The following SMG7 variants were observed in gnomAD, a reference collection of about 807,000 sequenced individuals.
SMG7 encodes the protein SMG7 nonsense mediated mRNA decay factor, also known as nonsense-mediated mRNA decay factor SMG7.
Under a neutral mutation model 148.2 loss-of-function variants are expected in SMG7, and 34 were observed. The ratio of observed to expected loss-of-function variants is 0.23; its 90% CI spans 0.17 to 0.31. The LOEUF is 0.31. Among genes scored for constraint, SMG7 ranks in the 10% least tolerant of loss-of-function variants. The probability of loss-of-function intolerance (pLI) is 1.00; values close to 1 mark genes in which losing one functional copy is unlikely to be tolerated. For missense variants in SMG7, 1,114 were observed against 1,408.4 expected (o/e 0.79, Z 3.35); for synonymous variants, 492 against 515.1 (o/e 0.96, Z 0.61).
At chr1:183,537,887 T>C (rs1238542966) in intron 11 of SMG7, among the ~76,000 whole-genome samples, 3 of 152,168 alleles carry the variant, frequency 2.0e-5, no homozygotes, top group African/African-American at 4.8e-5. Context: ...GCTTGGCTTC[T>C]TTCTGACTTT....
At chr1:183,542,597 C>A in intron 14 of SMG7, 95 bp downstream of exon 14, 1 of 1,041,322 alleles carries the variant, frequency 9.6e-7, no homozygotes, top group Non-Finnish European at 1.4e-6. Context: ...ATTGGCCGTC[C>A]TGGAAGTTTA....
chr1:183,544,838 C>G (rs1440373547), intron 15 of SMG7, 92 bp from the exon 16 acceptor site: 2 of 1,273,648 alleles, frequency 1.6e-6, no homozygotes, highest in Non-Finnish European at 2.2e-6. Flanking sequence ...TGTTAGAAGA[C>G]TCCCTCTACC....
chr1:183,477,778 A>G (rs919628330), intron 1 of SMG7, among the ~76,000 whole-genome samples: 6 of 151,928 alleles, frequency 3.9e-5, no homozygotes, highest in Admixed American at 6.6e-5. Context: ...ACATGTGTGT[A>G]TGTGTGTATG....
In SMG7 at chr1:183,546,026, G is replaced by A. The variant is rs766005753; in HGVS notation, c.2431G>A (p.Gly811Arg). The A allele has an allele frequency of 3.1e-6, 5 of 1,613,916 alleles. No individual in the cohort carries two copies. Among genetic ancestry groups the A allele is most frequent in the Non-Finnish European group, 4.2e-6 (5 of 1,179,934 alleles). ...WNPPQVQGPL[G>R]KIMPVKQPYY... ...TCCCCCTCAGGTTCAAGGCCCATTA[G>A]GGAAAATTATGCCTGTGAAACAGCC... Residue 811 changes from glycine to arginine, a missense_variant, in exon 17 of 23, where the codon GGG becomes AGG. Physicochemically the swap from Gly to Arg is moderately radical, Grantham distance 125. This residue lies in a region of SMG7 where 788 missense variants were observed against 894.5 expected (regional missense o/e 0.88). Coordinates refer to ENST00000688051, the MANE Select transcript of SMG7 (RefSeq NM_001375584.1).
chr1:183,492,271 G>A (rs1405085050), intron 1 of SMG7, among the ~76,000 whole-genome samples: 4 of 152,132 alleles, frequency 2.6e-5, no homozygotes, highest in Non-Finnish European at 4.4e-5. Context: ...AGCATCACTT[G>A]TTGAGAAAAT....
intron 4 of SMG7, among the ~76,000 whole-genome samples, chr1:183,520,948 C>A (rs985184721): frequency 1.3e-5 from 2 of 152,054 alleles, no homozygotes; most frequent in African/African-American, 4.8e-5. Context: ...AGCATTGATT[C>A]TCCCCGACTG....
Position 183,550,753 on chromosome 1 carries a change from C to T in SMG7, c.3136C>T (p.His1046Tyr). ...CCTGTGTTGCTATTATTTAATAGATCATTCAACACCAGCCAGCCAGTCTCC... is the reference window on the plus strand; with the variant it reads ...CCTGTGTTGCTATTATTTAATAGATTATTCAACACCAGCCAGCCAGTCTCC... ...WSPSLPASSD[H>Y]STPASQSPHS... Residue 1046 changes from histidine (H) to tyrosine (Y), a missense_variant and splice_region_variant, in exon 21 of 23, where the codon CAT becomes TAT. This residue lies in a region of SMG7 where 788 missense variants were observed against 894.5 expected (regional missense o/e 0.88). Transcript: ENST00000688051. 3.1e-6 allele frequency: 5 copies of T among 1,613,772 alleles called. No homozygotes were observed. The highest frequency in any genetic ancestry group is 4.2e-6 in the Non-Finnish European group (5 of 1,179,758).
At chr1:183,525,541 G>A (rs1330510354) in intron 4 of SMG7, among the ~76,000 whole-genome samples, 1 of 152,198 alleles carries the variant, frequency 6.6e-6, no homozygotes, top group Non-Finnish European at 1.5e-5. Flanking sequence ...AAGTCAAGAG[G>A]AGAGTGTTTT....
At chr1:183,541,852 C>T (rs930035738) in intron 13 of SMG7, among the ~76,000 whole-genome samples, 1 of 152,062 alleles carries the variant, frequency 6.6e-6, no homozygotes, top group Non-Finnish European at 1.5e-5. Context: ...TTCTAGCAAA[C>T]GTTGAAAGAG....
intron 2 of SMG7, among the ~76,000 whole-genome samples, chr1:183,514,520 CAT>C (rs1405355896): frequency 1.3e-5 from 2 of 152,126 alleles, no homozygotes; most frequent in Non-Finnish European, 2.9e-5. Context: ...GCATTGAAAA[CAT>C]AATCTATTGT....
At position 183,477,584 on chromosome 1, in the gene SMG7, GTGTGTGCATATGTGTATATATGCATATA is replaced by G. The variant is rs1557935992; in HGVS notation, c.29+4937_29+4964del. ...CATATGTGTATATATGCATATATAC[GTGTGTGCATATGTGTATATATGCATATA>G]TACGTGTGTGCATATGTGTATATAT... On this transcript the variant is annotated intron_variant, in intron 1 of 22. Transcript: ENST00000688051. Among the ~76,000 whole-genome samples the G allele has an allele frequency of 3.7e-3, 481 of 131,464 alleles. 34 individuals carry two copies. Among genetic ancestry groups the G allele is most frequent in the Non-Finnish European group, 5.7e-3 (351 of 61,678 alleles). 86.2% of individuals were successfully genotyped at this position (131,464 alleles called of 152,430 possible). A position where few individuals can be genotyped will look rare whatever the true frequency, so the allele number is the denominator to read the frequency against.
In SMG7 at chr1:183,553,211, A is replaced by G; in HGVS notation, c.*1280A>G. 1 of 1,529,406 alleles carries G rather than the reference A, an allele frequency of 6.5e-7. No homozygotes were observed. Among genetic ancestry groups the G allele is most frequent in the Non-Finnish European group, 8.8e-7 (1 of 1,141,218 alleles). The allele number at this position is 1,529,406 out of a possible 1,614,324, so 94.7% of individuals were successfully genotyped here. A position where few individuals can be genotyped will look rare whatever the true frequency, so the allele number is the denominator to read the frequency against. ...AAAGAAAGGAAAATAAACTCTTTGT[A>G]TGATATTTATTAGGAGGAAAGAGGA... On this transcript the variant is annotated 3_prime_UTR_variant, in exon 23 of 23. Coordinates refer to ENST00000688051, the MANE Select transcript of SMG7 (RefSeq NM_001375584.1).
chr1:183,552,876 C>T lies in SMG7; in HGVS notation c.*945C>T. On this transcript the variant is annotated 3_prime_UTR_variant, in exon 23 of 23. Transcript: ENST00000688051. ...GGTTGGTTTTTGTGCCCCCATTCTA[C>T]TTCCCACCCTCCTGCCCCATCTCCA... The T allele has an allele frequency of 2.1e-6, 3 of 1,442,396 alleles. No homozygotes were observed. The highest frequency in any genetic ancestry group is 2.5e-5 in the East Asian group (1 of 39,996). The allele number at this position is 1,442,396 out of a possible 1,614,324, so 89.3% of individuals were successfully genotyped here. A position where few individuals can be genotyped will look rare whatever the true frequency, so the allele number is the denominator to read the frequency against.
At chr1:183,541,924 T>A (rs1668949152) in intron 13 of SMG7, 152 bp from the exon 14 acceptor site, 1 of 647,808 alleles carries the variant, frequency 1.5e-6, no homozygotes, top group African/African-American at 1.8e-5. Flanking sequence ...TCTACATAAC[T>A]ACTTTTTGTG....
chr1:183,550,440 C>A (rs1670803448), intron 20 of SMG7, among the ~76,000 whole-genome samples: 1 of 152,176 alleles, frequency 6.6e-6, no homozygotes, highest in African/African-American at 2.4e-5. Context: ...TTAGCAAATT[C>A]TTTCTGATAC....
At position 183,529,305 on chromosome 1, in the gene SMG7, T is replaced by C. The variant is rs1013433995; in HGVS notation, c.708-93T>C. The C allele has an allele frequency of 7.2e-6, 10 of 1,396,928 alleles. No homozygotes were observed. The Admixed American group carries it at 8.4e-5, about 12-fold the overall frequency. 86.5% of individuals were successfully genotyped at this position (1,396,928 alleles called of 1,614,324 possible). ...AAAAATCAGTCAAATACAGCTCTTTTGTGTATCAAGTATTTAGCAAGCCAG... is the reference window on the plus strand; with the variant it reads ...AAAAATCAGTCAAATACAGCTCTTTCGTGTATCAAGTATTTAGCAAGCCAG... On this transcript the variant is annotated intron_variant, in intron 7 of 22. Transcript: ENST00000688051.
At chr1:183,546,393 C>T in intron 17 of SMG7, 56 bp downstream of exon 17, 2 of 1,531,526 alleles carry the variant, frequency 1.3e-6, no homozygotes, top group South Asian at 2.5e-5. Context: ...GGTTGACTGT[C>T]TTTTGAATAT....
At chr1:183,515,223 G>T (rs1279251424) in intron 2 of SMG7, among the ~76,000 whole-genome samples, 2 of 152,122 alleles carry the variant, frequency 1.3e-5, no homozygotes. Flanking sequence ...AGTCTTCTAA[G>T]TCTTTGTTTA....
intron 3 of SMG7, among the ~76,000 whole-genome samples, chr1:183,517,017 T>G (rs762626245): frequency 4.3e-4 from 65 of 152,322 alleles, no homozygotes; most frequent in Middle Eastern, 3.4e-3. Flanking sequence ...GGTTTCCAGG[T>G]GAGAGAGTGA....
Sources: gnomAD v4.1 joint callset for allele counts (sites outside exome capture counted in the v4.1 genomes callset) on GRCh38, gnomAD v4.1.1 for gene constraint, gnomAD v4.1.1 regional missense constraint, MANE v1.5 for transcripts, NCBI Gene and HGNC (gene_info 2026-07-23, HGNC 2026-07-21) for gene names.